The following TTC28 variants were observed in gnomAD, a reference collection of about 807,000 sequenced individuals.
TTC28 encodes the protein tetratricopeptide repeat protein 28.
Under a neutral mutation model 198.0 loss-of-function variants are expected in TTC28, and 61 were observed. The observed-to-expected ratio is 0.31, with a 90% CI of 0.25 to 0.38. The LOEUF (loss-of-function observed/expected upper bound fraction) is 0.38. TTC28 is among the 10% of genes least tolerant of loss of function. The probability of loss-of-function intolerance (pLI) is 1.00; values close to 1 mark genes in which losing one functional copy is unlikely to be tolerated. For missense variants in TTC28, 2,678 were observed against 3,164.0 expected (o/e 0.85, Z 3.69); for synonymous variants, 1,171 against 1,297.8 (o/e 0.90, Z 2.10).
intron 1 of TTC28, among the ~76,000 whole-genome samples, chr22:28,677,798 C>T (rs987256131): frequency 1.3e-5 from 2 of 151,592 alleles, no homozygotes; most frequent in Non-Finnish European, 2.9e-5. Flanking sequence ...ATTAGCTGGG[C>T]ATGGTGGCAC....
At chr22:28,190,093 T>A (rs1187645669) in intron 5 of TTC28, among the ~76,000 whole-genome samples, 1 of 152,224 alleles carries the variant, frequency 6.6e-6, no homozygotes, top group Non-Finnish European at 1.5e-5. Flanking sequence ...ATGGTCACCA[T>A]GGTCACACAG....
chr22:28,584,704 T>G (rs1299081828), intron 2 of TTC28, among the ~76,000 whole-genome samples: 1 of 152,228 alleles, frequency 6.6e-6, no homozygotes, highest in Non-Finnish European at 1.5e-5. Context: ...TTGAGTCCTT[T>G]TATTCCTACC....
rs1390970230 is a variant in TTC28 at position 28,328,788 on chromosome 22, AT to A, written c.382-22146del. ...AATAATAATAATAATAATAATAATA[AT>A]AATAATAATAATAATATGTTCTGAA... On this transcript the variant is annotated intron_variant, in intron 2 of 22. Transcript: ENST00000397906. Among the ~76,000 whole-genome samples the A allele has an allele frequency of 1.5e-3, 224 of 145,048 alleles. 1 individual carries two copies. Among genetic ancestry groups the A allele is most frequent in the African/African-American group, 2.2e-3 (83 of 38,340 alleles).
chr22:28,580,916 A>G (rs2050224621), intron 2 of TTC28, among the ~76,000 whole-genome samples: 1 of 152,186 alleles, frequency 6.6e-6, no homozygotes, highest in Non-Finnish European at 1.5e-5. Context: ...ATATTTATTT[A>G]AATCAAATAC....
At chr22:28,080,331 A>T (rs1419110812) in intron 12 of TTC28, among the ~76,000 whole-genome samples, 8 of 152,186 alleles carry the variant, frequency 5.3e-5, no homozygotes, top group Admixed American at 2.0e-4. Flanking sequence ...CAATTTTTCC[A>T]CATCCTGGCC....
chr22:28,657,241 C>A (rs1421293498), intron 1 of TTC28, among the ~76,000 whole-genome samples: 1 of 152,208 alleles, frequency 6.6e-6, no homozygotes, highest in African/African-American at 2.4e-5. Flanking sequence ...TTGACCACTA[C>A]ATACGCCTCA....
intron 5 of TTC28, among the ~76,000 whole-genome samples, chr22:28,195,851 G>C (rs1314123596): frequency 1.3e-5 from 2 of 150,692 alleles, no homozygotes; most frequent in African/African-American, 4.9e-5. Flanking sequence ...CATGAAAATG[G>C]CCATACTGCT....
Position 28,629,597 on chromosome 22 carries a change from C to T in TTC28, c.336G>A (p.Leu112=). The T allele has an allele frequency of 6.4e-7, 1 of 1,551,710 alleles. No homozygotes were observed. Among genetic ancestry groups the T allele is most frequent in the Non-Finnish European group, 8.7e-7 (1 of 1,147,008 alleles). ...YMKIQQYDKA[L]DDAIKARLLN... ...GAAGTCGAGCTTTGATTGCATCATC[C>T]AGTGCCTTGTCATACTGCTGGATTT... The change falls in exon 2 of 23, where the codon CTG becomes CTA. Residue 112 remains leucine, a synonymous_variant. Transcript: ENST00000397906.
At chr22:28,028,494 T>A (rs553378238) in intron 13 of TTC28, among the ~76,000 whole-genome samples, 1 of 152,292 alleles carries the variant, frequency 6.6e-6, no homozygotes, top group East Asian at 1.9e-4. Flanking sequence ...TTGACCCTTT[T>A]CTTCCATAGT....
intron 22 of TTC28, among the ~76,000 whole-genome samples, chr22:27,984,086 T>C (rs1007800904): frequency 1.3e-5 from 2 of 152,118 alleles, no homozygotes; most frequent in Non-Finnish European, 2.9e-5. Context: ...AGACCCACCA[T>C]GGCCCATCTC....
chr22:28,597,394 T>C (rs962407696), intron 2 of TTC28, among the ~76,000 whole-genome samples: 4 of 152,206 alleles, frequency 2.6e-5, no homozygotes, highest in African/African-American at 9.7e-5. Flanking sequence ...TAACTCTCTG[T>C]TTTTTAAATC....
rs1937092407 is a variant in TTC28 at position 27,983,445 on chromosome 22, T to A, written c.6222A>T (p.Arg2074=). The stretch of plus-strand genomic sequence containing the variant: ...TGTGGTCTGGTGAGAAGCATGTGTT[T>A]CGGTTTTCTTGGTAGGTCGCCAAGG... ...NEPLATYQEN[R]NTCFSPDHKQ... is the part of the protein sequence containing the mutation. The change falls in exon 23 of 23, where the codon CGA becomes CGT. Residue 2074 remains arginine (R), a synonymous_variant. Coordinates refer to ENST00000397906, the MANE Select transcript of TTC28 (RefSeq NM_001145418.2). The A allele has an allele frequency of 2.6e-6, 4 of 1,547,146 alleles. No homozygotes were observed. Among genetic ancestry groups the A allele is most frequent in the Non-Finnish European group, 3.5e-6 (4 of 1,146,014 alleles).
At chr22:28,445,006 C>T (rs2047682112) in intron 2 of TTC28, among the ~76,000 whole-genome samples, 1 of 152,150 alleles carries the variant, frequency 6.6e-6, no homozygotes. Context: ...AATTTTAAAC[C>T]AAATTCATCA....
At chr22:28,410,439 T>C (rs2047063532) in intron 2 of TTC28, among the ~76,000 whole-genome samples, 1 of 152,226 alleles carries the variant, frequency 6.6e-6, no homozygotes, top group African/African-American at 2.4e-5. Context: ...TCTATATTCA[T>C]CTTAAAATTA....
chr22:28,354,981 AC>A (rs1178710627), intron 2 of TTC28, among the ~76,000 whole-genome samples: 4 of 95,154 alleles, frequency 4.2e-5, no homozygotes, highest in African/African-American at 1.7e-4. Flanking sequence ...CCCTCCCCCC[AC>A]CCCACTTTAC....
chr22:28,012,051 G>A (rs1938185958), intron 14 of TTC28, among the ~76,000 whole-genome samples: 1 of 152,244 alleles, frequency 6.6e-6, no homozygotes. Flanking sequence ...GAGGAGCGGG[G>A]ATCCCTGGGA....
intron 6 of TTC28, among the ~76,000 whole-genome samples, chr22:28,114,346 T>C (rs1023425764): frequency 6.6e-6 from 1 of 152,192 alleles, no homozygotes; most frequent in African/African-American, 2.4e-5. Flanking sequence ...TTTTCACATA[T>C]AAGTTCTTCT....
chr22:28,463,562 A>G (rs1402119198), intron 2 of TTC28, among the ~76,000 whole-genome samples: 1 of 152,168 alleles, frequency 6.6e-6, no homozygotes, highest in African/African-American at 2.4e-5. Context: ...GCATATATAC[A>G]CCATGGAATA....
intron 14 of TTC28, among the ~76,000 whole-genome samples, chr22:28,009,956 AAAAGGTTTCACTCTGTCTCATTT>A (rs1316269968): frequency 1.3e-5 from 2 of 152,220 alleles, no homozygotes; most frequent in African/African-American, 4.8e-5. Flanking sequence ...AATACCTTTA[AAAAGGTTTCACTCTGTCTCATTT>A]AAAGCAGCCA....
Sources: allele counts gnomAD v4.1 joint callset (sites outside exome capture counted in the v4.1 genomes callset), GRCh38; gene constraint gnomAD v4.1.1; transcripts MANE v1.5; gene names NCBI Gene and HGNC (gene_info 2026-07-23, HGNC 2026-07-21).